CCDC192: variants seen among roughly 807,000 people sequenced by gnomAD.
CCDC192 encodes the protein coiled-coil domain-containing protein 192.
intron 5 of CCDC192, among the ~76,000 whole-genome samples, chr5:127,820,127 T>C (rs1015054650): frequency 6.6e-6 from 1 of 152,266 alleles, no homozygotes; most frequent in African/African-American, 2.4e-5. Flanking sequence ...ACAAAGATAA[T>C]TTCCCTTAGA....
At chr5:127,738,003 T>C (rs1053352393) in intron 2 of CCDC192, among the ~76,000 whole-genome samples, 18 of 152,048 alleles carry the variant, frequency 1.2e-4, no homozygotes, top group Admixed American at 1.1e-3. Flanking sequence ...TGCTCGTTAG[T>C]TGATGCAGTT....
intron 5 of CCDC192, among the ~76,000 whole-genome samples, chr5:127,810,543 C>G (rs1003365278): frequency 1.3e-5 from 2 of 152,116 alleles, no homozygotes; most frequent in Non-Finnish European, 1.5e-5. Context: ...ACATAAAATA[C>G]TCACTTGTTA....
chr5:127,934,606 CAT>C (rs1259095615), intron 6 of CCDC192, among the ~76,000 whole-genome samples: 1 of 152,062 alleles, frequency 6.6e-6, no homozygotes, highest in Middle Eastern at 3.2e-3. Context: ...AACTTCAAGA[CAT>C]AGGACTAATT....
chr5:127,758,941 T>G (rs1303700313), intron 3 of CCDC192, among the ~76,000 whole-genome samples: 1 of 152,214 alleles, frequency 6.6e-6, no homozygotes, highest in Non-Finnish European at 1.5e-5. Context: ...ACTTTTGCAA[T>G]GAAGTCTGGA....
chr5:127,854,541 T>C (rs879439586), intron 5 of CCDC192, among the ~76,000 whole-genome samples: 1 of 152,224 alleles, frequency 6.6e-6, no homozygotes, highest in Non-Finnish European at 1.5e-5. Flanking sequence ...GGAAAAATCA[T>C]ACTAAAATAT....
At chr5:127,776,085 A>C (rs1755841156) in intron 3 of CCDC192, among the ~76,000 whole-genome samples, 1 of 152,234 alleles carries the variant, frequency 6.6e-6, no homozygotes, top group Non-Finnish European at 1.5e-5. Context: ...TTTAAAAGCT[A>C]CTTTGGAACT....
At chr5:127,756,777 A>G (rs1203301150) in intron 3 of CCDC192, among the ~76,000 whole-genome samples, 1 of 152,260 alleles carries the variant, frequency 6.6e-6, no homozygotes, top group Non-Finnish European at 1.5e-5. Flanking sequence ...GAGTCAAACC[A>G]TGAACTGAAT....
chr5:127,733,858 A>G (rs977251408), intron 2 of CCDC192, among the ~76,000 whole-genome samples: 1 of 143,920 alleles, frequency 6.9e-6, no homozygotes, highest in African/African-American at 2.6e-5. Context: ...TTTTTTTTCC[A>G]GTTTCCAATA....
intron 3 of CCDC192, among the ~76,000 whole-genome samples, chr5:127,793,001 A>G (rs1316359334): frequency 1.3e-5 from 2 of 152,168 alleles, no homozygotes; most frequent in Non-Finnish European, 2.9e-5. Flanking sequence ...TACTATAACA[A>G]AATACAGCAT....
chr5:127,731,670 ATAGAC>A (rs1752648071), intron 2 of CCDC192, among the ~76,000 whole-genome samples: 1 of 152,234 alleles, frequency 6.6e-6, no homozygotes, highest in Admixed American at 6.5e-5. Flanking sequence ...AAACAGATAC[ATAGAC>A]CAACGGAACA....
chr5:127,777,708 T>C (rs1473732423), intron 3 of CCDC192, among the ~76,000 whole-genome samples: 1 of 152,160 alleles, frequency 6.6e-6, no homozygotes, highest in Non-Finnish European at 1.5e-5. Flanking sequence ...ATAAGGGCCA[T>C]TCCCCCATAC....
chr5:127,754,186 C>T (rs1754424578), intron 2 of CCDC192, 82 bp from the exon 3 acceptor site: 2 of 394,360 alleles, frequency 5.1e-6, no homozygotes, highest in Admixed American at 8.9e-5. Flanking sequence ...TCTTATGGAT[C>T]TTATCAAGTC....
chr5:127,880,662 C>T (rs1016290903), intron 6 of CCDC192, among the ~76,000 whole-genome samples: 2 of 151,194 alleles, frequency 1.3e-5, no homozygotes, highest in Non-Finnish European at 3.0e-5. Flanking sequence ...ATCTCCAATA[C>T]ACCTTCAGCT....
intron 2 of CCDC192, among the ~76,000 whole-genome samples, chr5:127,743,861 C>T (rs1251439842): frequency 1.3e-4 from 19 of 151,938 alleles, no homozygotes; most frequent in South Asian, 4.1e-4. Context: ...GAAGCCGAGG[C>T]GGGTGGATCA....
intron 6 of CCDC192, among the ~76,000 whole-genome samples, chr5:127,917,001 T>C (rs1363208465): frequency 1.3e-5 from 2 of 152,270 alleles, no homozygotes; most frequent in Non-Finnish European, 2.9e-5. Context: ...ATTGAAAACC[T>C]GTTCTTTAGT....
chr5:127,884,021 T>A (rs764665691), intron 6 of CCDC192, among the ~76,000 whole-genome samples: 2 of 152,048 alleles, frequency 1.3e-5, no homozygotes, highest in Non-Finnish European at 2.9e-5. Flanking sequence ...CTTAACAGTC[T>A]ATAGTGAACA....
intron 5 of CCDC192, among the ~76,000 whole-genome samples, chr5:127,834,084 G>A (rs149761908): frequency 9.9e-5 from 15 of 152,224 alleles, no homozygotes; most frequent in Admixed American, 5.9e-4. Context: ...GACATAAATT[G>A]GTAAAGGTGT....
intron 6 of CCDC192, among the ~76,000 whole-genome samples, chr5:127,937,965 G>A (rs895116639): frequency 2.0e-5 from 3 of 152,172 alleles, no homozygotes; most frequent in Admixed American, 6.5e-5. Flanking sequence ...GGAAGAAGAC[G>A]TCAGACAGGC....
At chr5:127,940,423 G>A (rs1225013294) in intron 6 of CCDC192, 1 of 150,634 alleles carries the variant, frequency 6.6e-6, no homozygotes, top group Non-Finnish European at 1.5e-5. Context: ...CCCAGAAAGG[G>A]CAATGGCAAC....
Sources: allele counts gnomAD v4.1 joint callset (sites outside exome capture counted in the v4.1 genomes callset), GRCh38; gene constraint gnomAD v4.1.1; transcripts MANE v1.5; gene names NCBI Gene and HGNC (gene_info 2026-07-23, HGNC 2026-07-21).